The following TAS2R1 variants were observed in gnomAD, a reference collection of about 807,000 sequenced individuals.
TAS2R1 encodes taste receptor type 2 member 1.
For synonymous variants in TAS2R1, 141 were observed against 134.2 expected, an observed-to-expected ratio of 1.05 and a Z score of -0.35; for missense variants, 370 against 353.4, an observed-to-expected ratio of 1.05 and a Z score of -0.38.
At chr5:9,744,015 C>T in the TAS2R1 span, among the ~76,000 whole-genome samples, 7 of 152,006 alleles carry the variant, frequency 4.6e-5, no homozygotes, top group East Asian at 5.8e-4. Context: ...GCCTACTATC[C>T]GATCACTCAT....
At chr5:9,786,351 C>T in the TAS2R1 span, among the ~76,000 whole-genome samples, 1 of 152,192 alleles carries the variant, frequency 6.6e-6, no homozygotes, top group East Asian at 1.9e-4. Flanking sequence ...GCATATTTTA[C>T]CTCTAACTGT....
the TAS2R1 span, among the ~76,000 whole-genome samples, chr5:9,818,421 T>C: frequency 6.6e-6 from 1 of 152,100 alleles, no homozygotes; most frequent in Non-Finnish European, 1.5e-5. Flanking sequence ...TCAGTTGGCT[T>C]TTGCTGCATA....
chr5:9,693,432 G>A (rs1741289577), intron 1 of TAS2R1, among the ~76,000 whole-genome samples: 3 of 147,260 alleles, frequency 2.0e-5, no homozygotes, highest in South Asian at 2.1e-4. Context: ...GCTGAGGGAG[G>A]AGAATCGCTT....
chr5:9,694,906 C>T (rs1741327414), intron 1 of TAS2R1, among the ~76,000 whole-genome samples: 1 of 152,120 alleles, frequency 6.6e-6, no homozygotes, highest in Non-Finnish European at 1.5e-5. Flanking sequence ...TTTCTCAAAT[C>T]CATGATATCA....
At chr5:9,792,502 C>T in the TAS2R1 span, among the ~76,000 whole-genome samples, 5 of 152,136 alleles carry the variant, frequency 3.3e-5, no homozygotes, top group African/African-American at 1.2e-4. Flanking sequence ...CAACGATCAA[C>T]CCGACTTTTG....
chr5:9,843,671 A>C, the TAS2R1 span, among the ~76,000 whole-genome samples: 8 of 152,354 alleles, frequency 5.3e-5, no homozygotes, highest in African/African-American at 1.9e-4. Flanking sequence ...CTATAGACTT[A>C]ATAAAGAATG....
the TAS2R1 span, among the ~76,000 whole-genome samples, chr5:9,729,893 CAG>C: frequency 2.6e-5 from 4 of 152,078 alleles, no homozygotes; most frequent in Non-Finnish European, 5.9e-5. Context: ...TCTCACTTTT[CAG>C]AGTGATATCC....
At chr5:9,790,428 C>T in the TAS2R1 span, among the ~76,000 whole-genome samples, 2 of 152,176 alleles carry the variant, frequency 1.3e-5, no homozygotes, top group African/African-American at 4.8e-5. Flanking sequence ...ATCGGTGTAG[C>T]AACTGGGGCC....
chr5:9,730,427 A>G, the TAS2R1 span, among the ~76,000 whole-genome samples: 1 of 152,200 alleles, frequency 6.6e-6, no homozygotes, highest in Non-Finnish European at 1.5e-5. Flanking sequence ...AAGGCTTGAT[A>G]CCAAATGTGC....
chr5:9,644,515 G>A (rs1180318858), intron 2 of TAS2R1, among the ~76,000 whole-genome samples: 2 of 152,128 alleles, frequency 1.3e-5, no homozygotes, highest in African/African-American at 4.8e-5. Context: ...AAGGTTGAAG[G>A]AAGGTTAAAA....
At chr5:9,789,312 C>A in the TAS2R1 span, among the ~76,000 whole-genome samples, 1 of 152,174 alleles carries the variant, frequency 6.6e-6, no homozygotes. Flanking sequence ...TTAAACCTGG[C>A]ACAATTTAAT....
the TAS2R1 span, among the ~76,000 whole-genome samples, chr5:9,832,323 G>A: frequency 6.6e-6 from 1 of 152,196 alleles, no homozygotes; most frequent in African/African-American, 2.4e-5. Context: ...AGTCCAACAA[G>A]TCACTCATCA....
At chr5:9,705,454 A>T (rs1421197615) in intron 1 of TAS2R1, among the ~76,000 whole-genome samples, 7 of 152,162 alleles carry the variant, frequency 4.6e-5, no homozygotes, top group Admixed American at 4.6e-4. Flanking sequence ...GTTCTGATTG[A>T]CTGTATCAAT....
At chr5:9,902,196 T>G in the TAS2R1 span, among the ~76,000 whole-genome samples, 34 of 152,052 alleles carry the variant, frequency 2.2e-4, no homozygotes, top group Middle Eastern at 3.2e-3. Flanking sequence ...ACCTGTGAGG[T>G]TATAAAATCT....
the TAS2R1 span, among the ~76,000 whole-genome samples, chr5:9,718,506 G>A: frequency 3.2e-4 from 48 of 152,028 alleles, 1 homozygote; most frequent in East Asian, 8.2e-3. Context: ...TGCACCAAGA[G>A]GCTGGGTGCA....
chr5:9,891,367 T>C, the TAS2R1 span, among the ~76,000 whole-genome samples: 10 of 152,266 alleles, frequency 6.6e-5, no homozygotes. Flanking sequence ...ATTGTTCATT[T>C]AGCATGTAAT....
At chr5:9,660,030 G>C (rs1740498267) in intron 1 of TAS2R1, 1 of 151,176 alleles carries the variant, frequency 6.6e-6, no homozygotes. Context: ...TAATTAAAAG[G>C]CATTATGGAA....
the TAS2R1 span, among the ~76,000 whole-genome samples, chr5:9,794,626 T>A: frequency 4.6e-5 from 7 of 152,332 alleles, no homozygotes; most frequent in South Asian, 4.1e-4. Context: ...GAGCCTCTAT[T>A]TAAACAATTA....
chr5:9,890,503 TTATA>T, the TAS2R1 span, among the ~76,000 whole-genome samples: 2 of 152,154 alleles, frequency 1.3e-5, no homozygotes, highest in African/African-American at 4.8e-5. Flanking sequence ...TCCAACCCCA[TTATA>T]TATATCATTG....
Sources: gnomAD v4.1 joint callset for allele counts (sites outside exome capture counted in the v4.1 genomes callset) on GRCh38, gnomAD v4.1.1 for gene constraint, MANE v1.5 for transcripts, NCBI Gene and HGNC (gene_info 2026-07-23, HGNC 2026-07-21) for gene names.